Variants in ERBB3 observed in about 807,000 individuals in gnomAD.
ERBB3 encodes receptor tyrosine-protein kinase erbB-3.
In ERBB3, 96 loss-of-function variants were observed where a neutral mutation model predicts 156.7. That is an observed-to-expected ratio of 0.61 (90% CI 0.52 to 0.73). The LOEUF is 0.73. ERBB3 is among the 30% of genes least tolerant of loss of function. The pLI is 0.00. For synonymous variants in ERBB3, 567 were observed against 632.0 expected, an observed-to-expected ratio of 0.90 and a Z score of 1.54; for missense variants, 1,406 against 1,709.4, an observed-to-expected ratio of 0.82 and a Z score of 3.13.
chr12:56,088,185 C>A (rs753025352), intron 7 of ERBB3, 23 bp downstream of exon 7: 1 of 1,612,264 alleles, frequency 6.2e-7, no homozygotes, highest in Non-Finnish European at 8.5e-7. Context: ...GGGGAAGGAA[C>A]AATGATCAAC....
rs199797901 is a variant in ERBB3, at chr12:56,095,240, G to T, written c.1860-17G>T. 1.9e-6 allele frequency: 3 copies of T among 1,603,214 alleles called. No homozygotes were observed. The East Asian group carries it at 6.7e-5, about 36-fold the overall frequency. The stretch of plus-strand genomic sequence containing the variant: ...GCTGTCCAAGCTCTCATTTAAGGTG[G>T]TGACTTTCTTCCCTAGGTGTAAAGG... On this transcript the variant is annotated splice_polypyrimidine_tract_variant and intron_variant, in intron 15 of 27. Transcript: ENST00000267101.
rs1868987033 is a variant in ERBB3, at chr12:56,098,875, A to G, written c.2809A>G (p.Thr937Ala). 1 of 1,613,884 alleles carries G rather than the reference A, an allele frequency of 6.2e-7. No individual in the cohort carries two copies. The highest frequency in any genetic ancestry group is 1.7e-5 in the Admixed American group (1 of 59,994). Residue 937 changes from threonine to alanine, a missense_variant, in exon 23 of 28, where the codon ACA becomes GCA. By Grantham distance (58) the Thr-to-Ala change is moderately conservative (BLOSUM62 0). This residue lies in a region of ERBB3 where 979 missense variants were observed against 1,219.6 expected (regional missense o/e 0.80). Transcript: ENST00000267101. ...GERLAQPQIC[T>A]IDVYMVMVKC... ...GCGGTTGGCACAGCCCCAGATCTGC[A>G]CAATTGATGTCTACATGGTGATGGT... is the stretch of plus-strand genomic sequence containing the variant.
In ERBB3 at chr12:56,101,939, G is replaced by A. The variant is rs146842909; in HGVS notation, c.3913G>A (p.Val1305Ile). Reference sequence around the variant, plus strand: ...GGGGCCTGGACATCAGGCCCCCCATGTCCATTATGCCCGCCTAAAAACTCT... The same window carrying A: ...GGGGCCTGGACATCAGGCCCCCCATATCCATTATGCCCGCCTAAAAACTCT... The part of the protein sequence containing the change: ...FQGPGHQAPH[V>I]HYARLKTLRS... The change falls in exon 28 of 28, where the codon GTC becomes ATC. Residue 1305 changes from valine to isoleucine, a missense_variant. Physicochemically the swap from Val to Ile is conservative, Grantham distance 29. Coordinates refer to ENST00000267101, the MANE Select transcript of ERBB3 (RefSeq NM_001982.4). 3.5e-5 allele frequency: 57 copies of A among 1,613,194 alleles called. No individual in the cohort carries two copies. Among genetic ancestry groups the A allele is most frequent in the Non-Finnish European group, 4.6e-5 (54 of 1,179,700 alleles).
rs2136794493 is a variant in ERBB3, at chr12:56,087,922, C to T, written c.732+9C>T. On this transcript the variant is annotated intron_variant, in intron 6 of 27. Coordinates refer to ENST00000267101, the MANE Select transcript of ERBB3 (RefSeq NM_001982.4). ...AGGACACAGACTGCTTTGTATGTAC[C>T]CTTTCCATTGCCTGGGTTCTGAAAT... The T allele has an allele frequency of 6.2e-7, 1 of 1,613,466 alleles. No individual in the cohort carries two copies. The highest frequency in any genetic ancestry group is 8.5e-7 in the Non-Finnish European group (1 of 1,179,410).
In ERBB3 at chr12:56,087,815, C is replaced by T. The variant is rs1481957883; in HGVS notation, c.634C>T (p.Pro212Ser). 1.2e-6 allele frequency: 2 copies of T among 1,614,058 alleles called. No individual in the cohort carries two copies. Among genetic ancestry groups the T allele is most frequent in the South Asian group, 2.2e-5 (2 of 91,078 alleles). ...CQTLTKTICAPQCNGHCFGPN... is the reference protein window; with the variant it reads ...CQTLTKTICASQCNGHCFGPN... ...CATAGTGACCAAGACCATCTGTGCT[C>T]CTCAGTGTAATGGTCACTGCTTTGG... The change falls in exon 6 of 28, where the codon CCT becomes TCT. Residue 212 changes from proline to serine, a missense_variant. Around this residue, in one of 3 missense-constraint regions of ERBB3, gnomAD observed 979 missense variants for 1,219.6 expected, o/e 0.80. Coordinates refer to ENST00000267101, the MANE Select transcript of ERBB3 (RefSeq NM_001982.4).
intron 3 of ERBB3, among the ~76,000 whole-genome samples, chr12:56,086,047 C>T (rs59398518): frequency 0.079 from 9,222 of 117,304 alleles, 1,101 homozygotes; most frequent in African/African-American, 0.27. Flanking sequence ...CCAGCCTGGG[C>T]GACAGAGCGA....
intron 9 of ERBB3, among the ~76,000 whole-genome samples, chr12:56,091,520 T>C (rs1868711612): frequency 6.7e-6 from 1 of 150,242 alleles, no homozygotes; most frequent in African/African-American, 2.5e-5. Flanking sequence ...CCATTCTCTA[T>C]AGAGACAGGG....
At chr12:56,100,393 G>C (rs1427185723) in intron 26 of ERBB3, 148 bp downstream of exon 26, 1 of 725,088 alleles carries the variant, frequency 1.4e-6, no homozygotes, top group Non-Finnish European at 2.5e-6. Context: ...TGTAATCCCA[G>C]CACTTTGGGA....
At chr12:56,089,912 T>G (rs1164725108) in intron 9 of ERBB3, among the ~76,000 whole-genome samples, 2 of 151,692 alleles carry the variant, frequency 1.3e-5, no homozygotes, top group East Asian at 1.9e-4. Context: ...CACCTGTTTT[T>G]TTTTTTCCTT....
chr12:56,095,912 G>C, intron 17 of ERBB3, 106 bp downstream of exon 17: 1 of 1,226,054 alleles, frequency 8.2e-7, no homozygotes, highest in Non-Finnish European at 1.2e-6. Flanking sequence ...AGGGGTCAGT[G>C]ATGGGATAAA....
intron 4 of ERBB3, 138 bp downstream of exon 4, chr12:56,086,794 C>T (rs529349327): frequency 2.1e-6 from 2 of 975,282 alleles, no homozygotes; most frequent in East Asian, 4.8e-5. Context: ...CAGCAGCCCA[C>T]CAGGGCAGAC....
chr12:56,087,641 A>G lies in ERBB3; in HGVS notation c.612A>G (p.Thr204=), dbSNP rs746010261. ...CWGPGSEDCQ[T]LTKTICAPQC... ...GTCCTGGATCAGAAGACTGCCAGACATGTGGGTTTGAAATTCCCTCCAAAA... is the reference window on the plus strand; with the variant it reads ...GTCCTGGATCAGAAGACTGCCAGACGTGTGGGTTTGAAATTCCCTCCAAAA... Residue 204 remains threonine, a splice_region_variant and synonymous_variant, in exon 5 of 28, where the codon ACA becomes ACG. Transcript: ENST00000267101. The G allele has an allele frequency of 2.5e-6, 4 of 1,613,916 alleles. No homozygotes were observed. Among genetic ancestry groups the G allele is most frequent in the Non-Finnish European group, 2.5e-6 (3 of 1,179,920 alleles).
At position 56,094,548 on chromosome 12, in the gene ERBB3, C is replaced by A; in HGVS notation, c.1851C>A (p.Cys617Ter). The A allele has an allele frequency of 6.2e-7, 1 of 1,614,008 alleles. No individual in the cohort carries two copies. The highest frequency in any genetic ancestry group is 8.5e-7 in the Non-Finnish European group (1 of 1,180,036). ...AATGTCGGCCCTGCCATGAGAACTG[C>A]ACCCAGGGGTCAGTGATGGGATAAT... Reference protein sequence around the residue: ...QNECRPCHENCTQGCKGPELQ... With the variant: ...QNECRPCHEN The change falls in exon 15 of 28, where the codon TGC (cysteine) becomes TGA (stop). Residue 617 changes from cysteine (C) to a stop codon, truncating the protein, a stop_gained. Transcript: ENST00000267101. LOFTEE classifies it high-confidence loss of function.
chr12:56,100,554 A>G (rs1187191136), intron 26 of ERBB3, among the ~76,000 whole-genome samples: 1 of 151,864 alleles, frequency 6.6e-6, no homozygotes, highest in Non-Finnish European at 1.5e-5. Context: ...AGACAGGAGA[A>G]TCGCTTGAAC....
chr12:56,090,566 C>T (rs1287048225), intron 9 of ERBB3, among the ~76,000 whole-genome samples: 1 of 152,066 alleles, frequency 6.6e-6, no homozygotes, highest in Non-Finnish European at 1.5e-5. Context: ...ATAGCTTGAA[C>T]CTGGCAGGCA....
rs1018612290 is a variant in ERBB3 at position 56,102,666 on chromosome 12, A to C, written c.*611A>C. ...AAAACAATTCTGTGACATACATATT[A>C]TCTCATTTTACACAAAGGGAAGTCG... On this transcript the variant is annotated 3_prime_UTR_variant, in exon 28 of 28. Transcript: ENST00000267101. 2.6e-5 allele frequency: 6 copies of C among 231,388 alleles called. No individual in the cohort carries two copies. Among genetic ancestry groups the C allele is most frequent in the Non-Finnish European group, 5.1e-5 (6 of 117,076 alleles). The allele number at this position is 231,388 out of a possible 1,614,324, so 14.3% of individuals were successfully genotyped here.
At position 56,097,109 on chromosome 12, in the gene ERBB3, G is replaced by A. The variant is rs202221237; in HGVS notation, c.2339G>A (p.Gly780Glu). ...GTAAGGCTGCTGGGACTATGCCCAG[G>A]GTCATCTCTGCAGCTTGTCACTCAA... is the stretch of plus-strand genomic sequence containing the variant. ...HIVRLLGLCP[G>E]SSLQLVTQYL... is the part of the protein sequence containing the mutation. Residue 780 changes from glycine to glutamate, a missense_variant, in exon 20 of 28, where the codon GGG becomes GAG. Coordinates refer to ENST00000267101, the MANE Select transcript of ERBB3 (RefSeq NM_001982.4). 1.1e-5 allele frequency: 18 copies of A among 1,614,088 alleles called. No homozygotes were observed. The East Asian group carries it at 3.3e-4, about 30-fold the overall frequency.
chr12:56,086,367 A>G (rs904715206), intron 3 of ERBB3, among the ~76,000 whole-genome samples, 164 bp from the exon 4 acceptor site: 1 of 152,088 alleles, frequency 6.6e-6, no homozygotes, highest in African/African-American at 2.4e-5. Context: ...CTGACTCCTC[A>G]TCTTATAAAG....
At position 56,087,617 on chromosome 12, in the gene ERBB3, T is replaced by C; in HGVS notation, c.588T>C (p.Gly196=). The change falls in exon 5 of 28, where the codon GGT becomes GGC. Residue 196 remains glycine, a synonymous_variant. Transcript: ENST00000267101. Reference sequence around the variant, plus strand: ...AGGTTTGCAAGGGGCGATGCTGGGGTCCTGGATCAGAAGACTGCCAGACAT... The same window carrying C: ...AGGTTTGCAAGGGGCGATGCTGGGGCCCTGGATCAGAAGACTGCCAGACAT... The part of the protein sequence containing the change: ...CHEVCKGRCW[G]PGSEDCQTLT... 5 of 1,613,894 alleles carry C rather than the reference T, an allele frequency of 3.1e-6. No homozygotes were observed. Among genetic ancestry groups the C allele is most frequent in the East Asian group, 4.5e-5 (2 of 44,876 alleles).
Sources: allele counts gnomAD v4.1 joint callset (sites outside exome capture counted in the v4.1 genomes callset), GRCh38; gene constraint gnomAD v4.1.1; regional missense constraint gnomAD v4.1.1; transcripts MANE v1.5; gene names NCBI Gene and HGNC (gene_info 2026-07-23, HGNC 2026-07-21).